Variants in FANCD2OS observed in about 807,000 individuals in gnomAD.
The protein encoded by FANCD2OS is FANCD2 opposite strand protein.
Under a neutral mutation model 13.2 loss-of-function variants are expected in FANCD2OS, and 11 were observed. The ratio of observed to expected loss-of-function variants is 0.83; its 90% confidence interval spans 0.52 to 1.38. FANCD2OS has a LOEUF of 1.38. FANCD2OS is among the 40% of genes most tolerant of loss of function. The pLI is 0.00. For missense variants in FANCD2OS, 217 were observed against 213.9 expected (o/e 1.01, Z -0.09); for synonymous variants, 69 against 84.5 (o/e 0.82, Z 1.01).
chr3:10,098,967 A>G (rs762604718), downstream of FANCD2OS: 2 of 1,614,084 alleles, frequency 1.2e-6, no homozygotes, highest in Middle Eastern at 1.6e-4. Flanking sequence ...CTGTGCTTAT[A>G]TAATTTTTGG....
chr3:10,086,273 A>G (rs1694194906), intron 2 of FANCD2OS, among the ~76,000 whole-genome samples: 1 of 152,174 alleles, frequency 6.6e-6, no homozygotes, highest in Non-Finnish European at 1.5e-5. Context: ...TATCACTGAT[A>G]GCCTGTTTCT....
intron 2 of FANCD2OS, chr3:10,088,943 C>T (rs1437773916): frequency 6.2e-7 from 1 of 1,614,154 alleles, no homozygotes; most frequent in East Asian, 2.2e-5. Flanking sequence ...ATTCCCTACA[C>T]TGACCAGGTA....
chr3:10,105,131 C>T (rs577741049), intron 1 of FANCD2OS, among the ~76,000 whole-genome samples: 9 of 152,124 alleles, frequency 5.9e-5, no homozygotes, highest in African/African-American at 1.2e-4. Context: ...GGATTATAGG[C>T]GTGACCCACT....
intron 2 of FANCD2OS, chr3:10,088,898 C>T (rs2125077822): frequency 6.2e-7 from 1 of 1,614,072 alleles, no homozygotes. Context: ...TGTCCCAGAA[C>T]TGATCAACTC....
intron 1 of FANCD2OS, among the ~76,000 whole-genome samples, chr3:10,106,646 G>A (rs1387129534): frequency 6.6e-6 from 1 of 152,206 alleles, no homozygotes; most frequent in African/African-American, 2.4e-5. Flanking sequence ...GGGCACAGTG[G>A]CTCACACCTG....
chr3:10,104,505 C>T lies in FANCD2OS; in HGVS notation c.270G>A (p.Lys90=), dbSNP rs1695413659. The change falls in exon 2 of 2, where the codon AAG becomes AAA. Residue 90 remains lysine (K), a synonymous_variant. Coordinates refer to ENST00000450660, the MANE Select transcript of FANCD2OS (RefSeq NM_001164839.2). Reference sequence around the variant, plus strand: ...CTCCACTGAGGCGGATGGGCTGGGGCTTCCTGACCAGTCCTTTGTTGTTCA... The same window carrying T: ...CTCCACTGAGGCGGATGGGCTGGGGTTTCCTGACCAGTCCTTTGTTGTTCA... ...RTMNNKGLVR[K]PQPIRLSGVD... The T allele has an allele frequency of 6.2e-7, 1 of 1,614,092 alleles. No individual in the cohort carries two copies. Among genetic ancestry groups the T allele is most frequent in the African/African-American group, 1.3e-5 (1 of 74,918 alleles).
Position 10,090,318 on chromosome 3 carries a change from T to C in FANCD2OS, c.*44-8787A>G, listed in dbSNP as rs767806932. 3.7e-6 allele frequency: 6 copies of C among 1,613,590 alleles called. No homozygotes were observed. The highest frequency in any genetic ancestry group is 5.1e-6 in the Non-Finnish European group (6 of 1,179,878). On this transcript the variant is annotated intron_variant, in intron 2 of 2. Coordinates refer to the FANCD2OS transcript ENST00000524279. ...CATACTTTTGTTGTTTTCTTCCGTGTGATGATGGCTGAACTAGAGAAGACG... is the reference window on the plus strand; with the variant it reads ...CATACTTTTGTTGTTTTCTTCCGTGCGATGATGGCTGAACTAGAGAAGACG...
In FANCD2OS at chr3:10,104,396, A is replaced by T; in HGVS notation, c.379T>A (p.Cys127Ser). The T allele has an allele frequency of 6.2e-7, 1 of 1,614,208 alleles. No individual in the cohort carries two copies. The change falls in exon 2 of 2, where the codon TGC becomes AGC. Residue 127 changes from cysteine (C) to serine (S), a missense_variant. Coordinates refer to ENST00000450660, the MANE Select transcript of FANCD2OS (RefSeq NM_001164839.2). The part of the protein sequence containing the change: ...TFRVSDKSAF[C>S]KIISREHQWP... Reference sequence around the variant, plus strand: ...TGGTGCTCCCTGCTAATGATTTTGCAAAAGGCTGACTTGTCTGAAACTCTG... The same window carrying T: ...TGGTGCTCCCTGCTAATGATTTTGCTAAAGGCTGACTTGTCTGAAACTCTG...
intron 2 of FANCD2OS, among the ~76,000 whole-genome samples, chr3:10,091,724 C>T (rs1694622178): frequency 6.6e-6 from 1 of 151,952 alleles, no homozygotes; most frequent in African/African-American, 2.4e-5. Context: ...GAAAAAAAAT[C>T]CTGAATCTCA....
intron 2 of FANCD2OS, among the ~76,000 whole-genome samples, chr3:10,091,710 C>G: frequency 6.6e-6 from 1 of 151,894 alleles, no homozygotes; most frequent in East Asian, 1.9e-4. Context: ...ACTAGGAACT[C>G]TTTGAAAAAA....
chr3:10,095,294 C>T lies in FANCD2OS; in HGVS notation c.*43+8904G>A, dbSNP rs1373411199. 1.2e-6 allele frequency: 2 copies of T among 1,604,056 alleles called. No homozygotes were observed. Among genetic ancestry groups the T allele is most frequent in the East Asian group, 2.2e-5 (1 of 44,804 alleles). ...TCCAAGGTAAGAAGGGGAGCAGGTT[C>T]TATCAGCAGCCTGCCTGTTGGCTTA... On this transcript the variant is annotated intron_variant, in intron 2 of 2. Coordinates refer to the FANCD2OS transcript ENST00000524279.
At chr3:10,100,044 C>T (rs1188552750), downstream of FANCD2OS, among the ~76,000 whole-genome samples, 2 of 152,000 alleles carry the variant, frequency 1.3e-5, no homozygotes, top group Non-Finnish European at 2.9e-5. Flanking sequence ...TTGAGCTAGC[C>T]AGGCATGGTG....
downstream of FANCD2OS, chr3:10,099,281 G>T: frequency 7.9e-7 from 1 of 1,267,568 alleles, no homozygotes; most frequent in Non-Finnish European, 1.0e-6. Context: ...AAGTTCTTAC[G>T]CTTTTTTGTG....
downstream of FANCD2OS, chr3:10,103,105 A>C: frequency 2.2e-6 from 1 of 446,024 alleles, no homozygotes; most frequent in South Asian, 1.6e-5. Context: ...AAAAAAAAAA[A>C]AATACAAAAA....
At chr3:10,106,892 G>A (rs2125112271) in intron 1 of FANCD2OS, among the ~76,000 whole-genome samples, 1 of 152,292 alleles carries the variant, frequency 6.6e-6, no homozygotes, top group Non-Finnish European at 1.5e-5. Flanking sequence ...GTGACAGAGG[G>A]AGACTCCGTC....
At chr3:10,092,966 T>TC (rs1694743629) in intron 2 of FANCD2OS, among the ~76,000 whole-genome samples, 1 of 152,070 alleles carries the variant, frequency 6.6e-6, no homozygotes, top group Non-Finnish European at 1.5e-5. Flanking sequence ...TGCTGGGATA[T>TC]CAGGCATGAG....
At chr3:10,096,271 T>C in intron 2 of FANCD2OS, 2 of 1,580,612 alleles carry the variant, frequency 1.3e-6, no homozygotes, top group Non-Finnish European at 8.7e-7. Flanking sequence ...CTATAAGAAA[T>C]GTGAAGGCAT....
At chr3:10,085,514 C>A (rs1694135838) in intron 2 of FANCD2OS, among the ~76,000 whole-genome samples, 1 of 151,714 alleles carries the variant, frequency 6.6e-6, no homozygotes, top group African/African-American at 2.4e-5. Flanking sequence ...GCCTCAGCCT[C>A]TGGAGTAGCT....
Position 10,105,808 on chromosome 3 carries a change from ATATATATATATATT to A in FANCD2OS, c.-8-1040_-8-1027del, listed in dbSNP as rs1410858203. Among the ~76,000 whole-genome samples the A allele has an allele frequency of 3.1e-4, 25 of 81,222 alleles. 2 individuals are homozygous for A. Among genetic ancestry groups the A allele is most frequent in the South Asian group, 9.0e-4 (2 of 2,218 alleles). The allele number at this position is 81,222 out of a possible 152,430, so 53.3% of individuals were successfully genotyped here. A position where few individuals can be genotyped will look rare whatever the true frequency, so the allele number is the denominator to read the frequency against. ...TATATATATATATATATATATATAT[ATATATATATATATT>A]TTGAGGTTCGCGATGTATGAACCCT... is the stretch of plus-strand genomic sequence containing the variant. On this transcript the variant is annotated intron_variant, in intron 1 of 1. Coordinates refer to ENST00000450660, the MANE Select transcript of FANCD2OS (RefSeq NM_001164839.2).
Sources: gnomAD v4.1 joint callset for allele counts (sites outside exome capture counted in the v4.1 genomes callset) on GRCh38, gnomAD v4.1.1 for gene constraint, MANE v1.5 for transcripts, NCBI Gene and HGNC (gene_info 2026-07-23, HGNC 2026-07-21) for gene names.